ATF7IP2: variants seen among roughly 807,000 people sequenced by gnomAD.
ATF7IP2 encodes the protein activating transcription factor 7-interacting protein 2.
ATF7IP2 carries 42 observed loss-of-function variants against 64.2 expected under a neutral mutation model. The ratio of observed to expected loss-of-function variants is 0.65; its 90% CI spans 0.51 to 0.85. ATF7IP2 has a LOEUF of 0.85. Among genes scored for constraint, ATF7IP2 ranks in the 40% least tolerant of loss-of-function variants. The pLI, the probability that ATF7IP2 is intolerant of heterozygous loss-of-function variation, is 0.00. For missense variants in ATF7IP2, 933 were observed against 784.2 expected, an observed-to-expected ratio of 1.19 and a Z score of -2.27; for synonymous variants, 308 against 272.8, an observed-to-expected ratio of 1.13 and a Z score of -1.27.
chr16:10,433,622 G>A lies in ATF7IP2; in HGVS notation c.933G>A (p.Leu311=). 9 of 1,613,806 alleles carry A rather than the reference G, an allele frequency of 5.6e-6. No individual in the cohort carries two copies. The Admixed American group carries it at 1.3e-4, about 24-fold the overall frequency. The part of the protein sequence containing the change: ...EQINENICVS[L]ERQTAFLEQV... ...TTAATGAAAATATTTGTGTAAGTTT[G>A]GAAAGGCAAACAGCATTCCTGGAAC... is the stretch of plus-strand genomic sequence containing the variant. The change falls in exon 6 of 14, where the codon TTG becomes TTA. Residue 311 remains leucine (L), a synonymous_variant. Transcript: ENST00000562102.
chr16:10,406,274 T>C (rs2047637768), intron 1 of ATF7IP2, among the ~76,000 whole-genome samples: 1 of 152,056 alleles, frequency 6.6e-6, no homozygotes, highest in South Asian at 2.1e-4. Flanking sequence ...CCTTAACTAA[T>C]TTTTTATATT....
intron 12 of ATF7IP2, among the ~76,000 whole-genome samples, chr16:10,475,222 G>C (rs1324567911): frequency 6.6e-6 from 1 of 152,206 alleles, no homozygotes; most frequent in Non-Finnish European, 1.5e-5. Flanking sequence ...GCAAAAGATA[G>C]TCACAGGATT....
intron 1 of ATF7IP2, among the ~76,000 whole-genome samples, chr16:10,408,945 C>T (rs72779769): frequency 0.013 from 1,945 of 152,252 alleles, 28 homozygotes; most frequent in Middle Eastern, 0.027. Context: ...GATAAATGCT[C>T]GGTTCGCAAA....
chr16:10,427,308 A>G (rs917217557), intron 3 of ATF7IP2, among the ~76,000 whole-genome samples: 2 of 152,238 alleles, frequency 1.3e-5, no homozygotes, highest in Admixed American at 1.3e-4. Context: ...GGAAACCCAA[A>G]TTAAGACAAT....
chr16:10,466,111 C>T (rs1383262862), intron 9 of ATF7IP2, among the ~76,000 whole-genome samples: 1 of 152,166 alleles, frequency 6.6e-6, no homozygotes, highest in Admixed American at 6.6e-5. Flanking sequence ...TGGAATCATA[C>T]TCAGTGAGCT....
In ATF7IP2 at chr16:10,483,462, A is replaced by C. The variant is rs1057069022; in HGVS notation, c.*1213A>C. ...GGCCCAATGGAGGCAAACTTGAGCA[A>C]ATAATTGGGATGATAAGAAACAAAA... On this transcript the variant is annotated 3_prime_UTR_variant, in exon 14 of 14. Transcript: ENST00000562102. 4 of 152,210 alleles carry C rather than the reference A, an allele frequency of 2.6e-5. No individual in the cohort carries two copies. The highest frequency in any genetic ancestry group is 9.7e-5 in the African/African-American group (4 of 41,446). The allele number at this position is 152,210 out of a possible 1,614,324, so 9.4% of individuals were successfully genotyped here.
chr16:10,473,183 A>G (rs2049869921), intron 10 of ATF7IP2, among the ~76,000 whole-genome samples: 1 of 152,306 alleles, frequency 6.6e-6, no homozygotes, highest in South Asian at 2.1e-4. Flanking sequence ...CTGTGAATTA[A>G]AAGTGTGTGC....
rs376683724 is a variant in ATF7IP2, at chr16:10,440,475, A to C, written c.1194+13A>C. 4.4e-6 allele frequency: 6 copies of C among 1,357,972 alleles called. No individual in the cohort carries two copies. In the African/African-American group the frequency reaches 6.0e-5, roughly 14 times the overall value. 84.1% of individuals were successfully genotyped at this position (1,357,972 alleles called of 1,614,324 possible). On this transcript the variant is annotated intron_variant, in intron 8 of 13. Transcript: ENST00000562102. ...TGGAGCCTCTAAGGTTTGTATAAACACACAGGAATTGTAATCATCTATTTG... is the reference window on the plus strand; with the variant it reads ...TGGAGCCTCTAAGGTTTGTATAAACCCACAGGAATTGTAATCATCTATTTG...
chr16:10,406,727 C>G (rs1045081255), intron 1 of ATF7IP2, among the ~76,000 whole-genome samples: 2 of 152,052 alleles, frequency 1.3e-5, no homozygotes, highest in African/African-American at 4.8e-5. Flanking sequence ...AAATCAAAAA[C>G]CTGAACAGAC....
At chr16:10,472,266 A>G (rs548765832) in intron 10 of ATF7IP2, 83 bp downstream of exon 10, 21 of 620,518 alleles carry the variant, frequency 3.4e-5, no homozygotes, top group East Asian at 3.0e-4. Flanking sequence ...AAATTGAATA[A>G]TATCTTTTAA....
intron 1 of ATF7IP2, among the ~76,000 whole-genome samples, chr16:10,402,476 G>A (rs963823090): frequency 7.9e-5 from 12 of 151,844 alleles, no homozygotes; most frequent in South Asian, 2.1e-4. Context: ...GGTTTGTTTC[G>A]TTTTGAGACA....
chr16:10,460,502 A>G (rs1481383879), intron 9 of ATF7IP2, among the ~76,000 whole-genome samples: 1 of 152,238 alleles, frequency 6.6e-6, no homozygotes, highest in African/African-American at 2.4e-5. Flanking sequence ...TGAGATTGGC[A>G]TGCGCTGGAC....
intron 1 of ATF7IP2, among the ~76,000 whole-genome samples, chr16:10,394,046 C>T (rs2047378418): frequency 6.6e-6 from 1 of 152,050 alleles, no homozygotes. Flanking sequence ...ACAAAAACAA[C>T]CAAGTAATGT....
chr16:10,433,499 C>A lies in ATF7IP2; in HGVS notation c.836-26C>A, dbSNP rs756197596. On this transcript the variant is annotated intron_variant, in intron 5 of 13. Coordinates refer to ENST00000562102, the MANE Select transcript of ATF7IP2 (RefSeq NM_001393719.1). ...CTGTTTTTTTCTTTAAAATATCTTTCTTTCTAATCTTTTGATCTCCTCAAG... is the reference window on the plus strand; with the variant it reads ...CTGTTTTTTTCTTTAAAATATCTTTATTTCTAATCTTTTGATCTCCTCAAG... 5 of 1,594,436 alleles carry A rather than the reference C, an allele frequency of 3.1e-6. No homozygotes were observed. The African/African-American group carries it at 4.1e-5, about 13-fold the overall frequency.
At chr16:10,449,448 G>A (rs868439914) in intron 8 of ATF7IP2, 3 of 152,050 alleles carry the variant, frequency 2.0e-5, no homozygotes, top group Non-Finnish European at 4.4e-5. Flanking sequence ...TGGACTTTTG[G>A]TTGGTAGACT....
rs368884368 is a variant in ATF7IP2, at chr16:10,473,941, G to A, written c.1501G>A (p.Asp501Asn). The change falls in exon 12 of 14, where the codon GAT becomes AAT. Residue 501 changes from aspartate to asparagine, a missense_variant. By Grantham distance (23) the Asp-to-Asn change is conservative. Coordinates refer to ENST00000562102, the MANE Select transcript of ATF7IP2 (RefSeq NM_001393719.1). ...AEVMAVQKKL[D>N]SIIDLTKEGL... is the part of the protein sequence containing the mutation. Reference sequence around the variant, plus strand: ...TTTTTAGGCTGTACAGAAGAAACTTGATTCTATAATTGATTTGACAAAAGA... The same window carrying A: ...TTTTTAGGCTGTACAGAAGAAACTTAATTCTATAATTGATTTGACAAAAGA... 4.9e-6 allele frequency: 7 copies of A among 1,443,194 alleles called. No homozygotes were observed. Among genetic ancestry groups the A allele is most frequent in the Non-Finnish European group, 6.7e-6 (7 of 1,050,610 alleles). 89.4% of individuals were successfully genotyped at this position (1,443,194 alleles called of 1,614,324 possible).
intron 9 of ATF7IP2, among the ~76,000 whole-genome samples, chr16:10,460,707 A>G (rs544554623): frequency 2.6e-4 from 39 of 152,302 alleles, no homozygotes; most frequent in African/African-American, 7.9e-4. Context: ...AAAAACTCAT[A>G]TGGATTAAGG....
intron 1 of ATF7IP2, among the ~76,000 whole-genome samples, chr16:10,403,218 G>A (rs2047569465): frequency 6.6e-6 from 1 of 152,138 alleles, no homozygotes; most frequent in Admixed American, 6.5e-5. Context: ...ATTACAATAT[G>A]TGACACATAT....
intron 8 of ATF7IP2, among the ~76,000 whole-genome samples, chr16:10,444,972 A>AT (rs2141953023): frequency 6.6e-6 from 1 of 152,324 alleles, no homozygotes; most frequent in South Asian, 2.1e-4. Context: ...TAGGTGACCT[A>AT]TTGAGGTATT....
Sources: allele counts gnomAD v4.1 joint callset (sites outside exome capture counted in the v4.1 genomes callset), GRCh38; gene constraint gnomAD v4.1.1; transcripts MANE v1.5; gene names NCBI Gene and HGNC (gene_info 2026-07-23, HGNC 2026-07-21).